PDE9A: variants seen among roughly 807,000 people sequenced by gnomAD.
The protein encoded by PDE9A is phosphodiesterase 9A, also known as high affinity cGMP-specific 3',5'-cyclic phosphodiesterase 9A.
Under a neutral mutation model 87.4 loss-of-function variants are expected in PDE9A, and 60 were observed. That is an observed-to-expected ratio of 0.69 (90% CI 0.56 to 0.85). PDE9A has a LOEUF of 0.85. PDE9A is among the 40% of genes least tolerant of loss of function. PDE9A has a pLI of 0.00. For synonymous variants in PDE9A, 272 were observed against 279.4 expected (o/e 0.97, Z 0.27); for missense variants, 665 against 779.0 (o/e 0.85, Z 1.74).
At chr21:42,656,316 T>G (rs1223007882) in intron 1 of PDE9A, among the ~76,000 whole-genome samples, 1 of 152,198 alleles carries the variant, frequency 6.6e-6, no homozygotes, top group Non-Finnish European at 1.5e-5. Flanking sequence ...CACCCGCCCC[T>G]TCGTTATCTC....
chr21:42,669,748 G>A (rs1261533096), intron 1 of PDE9A, among the ~76,000 whole-genome samples: 1 of 152,162 alleles, frequency 6.6e-6, no homozygotes, highest in South Asian at 2.1e-4. Flanking sequence ...ACCGCATCCC[G>A]GAGAGCCGAG....
chr21:42,701,445 AAGAG>A (rs1354873465), intron 4 of PDE9A, among the ~76,000 whole-genome samples: 2 of 150,626 alleles, frequency 1.3e-5, no homozygotes, highest in African/African-American at 4.9e-5. Flanking sequence ...TTTTTTTTCA[AAGAG>A]AGAGAGAGAT....
At chr21:42,670,314 CCA>C (rs750294735) in intron 1 of PDE9A, among the ~76,000 whole-genome samples, 1 of 116,662 alleles carries the variant, frequency 8.6e-6, no homozygotes, top group Non-Finnish European at 1.6e-5. Flanking sequence ...CACTTAGACA[CCA>C]CACTCACATT....
At chr21:42,656,814 A>G (rs2057107773) in intron 1 of PDE9A, among the ~76,000 whole-genome samples, 1 of 152,202 alleles carries the variant, frequency 6.6e-6, no homozygotes, top group African/African-American at 2.4e-5. Flanking sequence ...CTGGAGTCCA[A>G]CTGAGGCTCC....
intron 1 of PDE9A, among the ~76,000 whole-genome samples, chr21:42,672,196 T>G (rs929921281): frequency 1.3e-5 from 2 of 152,248 alleles, no homozygotes; most frequent in Admixed American, 6.5e-5. Context: ...CATCCCGTTA[T>G]GGCCACGAGC....
rs1261146087 is a variant in PDE9A at position 42,705,319 on chromosome 21, C to T, written c.262+6308C>T. Among the ~76,000 whole-genome samples the T allele has an allele frequency of 6.6e-6, 1 of 152,188 alleles. No homozygotes were observed. Among genetic ancestry groups the T allele is most frequent in the Non-Finnish European group, 1.5e-5 (1 of 68,030 alleles). ...CGATAGTGCTGATTTTTTGGAAAAT[C>T]CTTGAGCCTCAATCACTTTTATTTG... On this transcript the variant is annotated intron_variant, in intron 4 of 19. Coordinates refer to ENST00000291539, the MANE Select transcript of PDE9A (RefSeq NM_002606.3). The surrounding 1 kb of genome is among the most constrained non-coding windows in gnomAD (Gnocchi z 4.3).
chr21:42,697,389 C>T (rs769895477), intron 3 of PDE9A: 35 of 1,487,014 alleles, frequency 2.4e-5, no homozygotes, highest in Non-Finnish European at 3.2e-5. Flanking sequence ...TATACCCCTC[C>T]ATATTCACTG....
chr21:42,768,951 GTCTTTC>G, intron 16 of PDE9A, 70 bp from the exon 17 acceptor site: 1 of 1,525,614 alleles, frequency 6.6e-7, no homozygotes. Context: ...GGCGCATCTT[GTCTTTC>G]TCTGAGAACA....
chr21:42,660,854 C>T lies in PDE9A; in HGVS notation c.69+6971C>T, dbSNP rs1034035909. Among the ~76,000 whole-genome samples, 3 of 151,994 alleles carry T rather than the reference C, an allele frequency of 2.0e-5. No individual in the cohort carries two copies. The highest frequency in any genetic ancestry group is 4.4e-5 in the Non-Finnish European group (3 of 68,014). On this transcript the variant is annotated intron_variant, in intron 1 of 19. Transcript: ENST00000291539. This position sits in a 1 kb window ranked among gnomAD's most constrained non-coding sequence, Gnocchi z 4.7. ...GGGTGCAACTTATTTGTCTTGAACC[C>T]ATCCCTGACTGCCTGTCTCCCCCCT...
chr21:42,675,594 C>T lies in PDE9A; in HGVS notation c.70-10598C>T, dbSNP rs7278620. Among the ~76,000 whole-genome samples the T allele has an allele frequency of 0.08, 12,178 of 152,284 alleles. 1,593 individuals carry two copies. The highest frequency in any genetic ancestry group is 0.27 in the African/African-American group (11,404 of 41,512). On this transcript the variant is annotated intron_variant, in intron 1 of 19. Transcript: ENST00000291539. The surrounding 1 kb of genome is among the most constrained non-coding windows in gnomAD (Gnocchi z 4.3). ...TTTCCGACAGCGCTGTGTGGATACACGGGCCCGAACGGCGCCAGCCTCACT... is the reference window on the plus strand; with the variant it reads ...TTTCCGACAGCGCTGTGTGGATACATGGGCCCGAACGGCGCCAGCCTCACT...
chr21:42,663,912 C>T (rs2057778006), intron 1 of PDE9A, among the ~76,000 whole-genome samples: 1 of 152,216 alleles, frequency 6.6e-6, no homozygotes, highest in African/African-American at 2.4e-5. Flanking sequence ...CTGAGGTCAT[C>T]AGCTGGATGC....
chr21:42,770,843 C>G (rs771193255), intron 18 of PDE9A, 45 bp downstream of exon 18: 1 of 1,462,480 alleles, frequency 6.8e-7, no homozygotes, highest in Non-Finnish European at 9.6e-7. Flanking sequence ...GGCAAGCAGG[C>G]ACGCTGCCCT....
In PDE9A at chr21:42,775,301, G is replaced by T. The variant is rs370463334; in HGVS notation, c.*8G>T. The stretch of plus-strand genomic sequence containing the variant: ...CCAGGAGACTGTGCCTGAGGAAAGC[G>T]GGGGGCGTGGCTGCAGTTCTGGACG... On this transcript the variant is annotated 3_prime_UTR_variant, in exon 20 of 20. Coordinates refer to ENST00000291539, the MANE Select transcript of PDE9A (RefSeq NM_002606.3). 1 of 1,609,182 alleles carries T rather than the reference G, an allele frequency of 6.2e-7. No individual in the cohort carries two copies. Among genetic ancestry groups the T allele is most frequent in the African/African-American group, 1.3e-5 (1 of 74,598 alleles).
At chr21:42,688,554 G>T (rs569688643) in intron 3 of PDE9A, among the ~76,000 whole-genome samples, 67 of 152,192 alleles carry the variant, frequency 4.4e-4, no homozygotes, top group Non-Finnish European at 7.6e-4. Context: ...CGCGGAGCAG[G>T]GGCCCTCAGG....
intron 4 of PDE9A, among the ~76,000 whole-genome samples, chr21:42,725,830 A>C (rs1261842612): frequency 6.6e-6 from 1 of 152,180 alleles, no homozygotes; most frequent in East Asian, 1.9e-4. Context: ...TGTGAACATC[A>C]GTTCTCCGCG....
In PDE9A at chr21:42,659,907, G is replaced by A. The variant is rs574378256; in HGVS notation, c.69+6024G>A. 2.0e-5 allele frequency among the ~76,000 whole-genome samples: 3 copies of A among 152,220 alleles called. No individual in the cohort carries two copies. The highest frequency in any genetic ancestry group is 2.9e-5 in the Non-Finnish European group (2 of 68,026). On this transcript the variant is annotated intron_variant, in intron 1 of 19. Transcript: ENST00000291539. This position sits in a 1 kb window ranked among gnomAD's most constrained non-coding sequence, Gnocchi z 4.1. ...GAAGGGCACACTGTCCCCGTCAGAC[G>A]CCTCAGATGAACTGACATGCAAATG...
chr21:42,771,498 G>A (rs771644747), intron 18 of PDE9A, among the ~76,000 whole-genome samples: 6 of 152,170 alleles, frequency 3.9e-5, no homozygotes, highest in Admixed American at 6.5e-5. Flanking sequence ...TACTACTCCT[G>A]CAGGGTTTGA....
At chr21:42,669,706 T>C (rs1409818550) in intron 1 of PDE9A, among the ~76,000 whole-genome samples, 5 of 152,096 alleles carry the variant, frequency 3.3e-5, no homozygotes, top group South Asian at 2.1e-4. Context: ...ATCAGTGACA[T>C]GGGGATAGAA....
chr21:42,716,971 C>T (rs60498856), intron 4 of PDE9A, among the ~76,000 whole-genome samples: 3 of 151,118 alleles, frequency 2.0e-5, no homozygotes, highest in Non-Finnish European at 3.0e-5. Context: ...AGACTGGTCT[C>T]GAACTCCTGA....
Sources: allele counts gnomAD v4.1 joint callset (sites outside exome capture counted in the v4.1 genomes callset), GRCh38; gene constraint gnomAD v4.1.1; non-coding constraint Gnocchi (gnomAD v3.1); transcripts MANE v1.5; gene names NCBI Gene and HGNC (gene_info 2026-07-23, HGNC 2026-07-21).